BCL2: variants seen among roughly 807,000 people sequenced by gnomAD.
The protein encoded by BCL2 is apoptosis regulator Bcl-2.
BCL2 carries 1 observed loss-of-function variant against 14.2 expected under a neutral mutation model. The ratio of observed to expected loss-of-function variants is 0.07; its 90% CI spans 0.02 to 0.33. The LOEUF is 0.33. BCL2 is among the 10% of genes least tolerant of loss of function. The probability of loss-of-function intolerance (pLI) is 0.99; values close to 1 mark genes in which losing one functional copy is unlikely to be tolerated. For missense variants in BCL2, 247 were observed against 305.9 expected, an observed-to-expected ratio of 0.81 and a Z score of 1.44; for synonymous variants, 151 against 137.2, an observed-to-expected ratio of 1.10 and a Z score of -0.70.
intron 2 of BCL2, among the ~76,000 whole-genome samples, chr18:63,198,918 CACACAG>C (rs1909584103): frequency 8.3e-6 from 1 of 120,122 alleles, no homozygotes; most frequent in Non-Finnish European, 1.7e-5. Flanking sequence ...TATACAGACA[CACACAG>C]ACACAGAGAC....
At chr18:63,220,102 G>GA (rs1388125828) in intron 2 of BCL2, among the ~76,000 whole-genome samples, 1 of 152,152 alleles carries the variant, frequency 6.6e-6, no homozygotes, top group Non-Finnish European at 1.5e-5. Context: ...GGAAGTAGCT[G>GA]AAAAAACAAG....
intron 2 of BCL2, among the ~76,000 whole-genome samples, chr18:63,162,754 A>C (rs551549957): frequency 1.3e-5 from 2 of 152,072 alleles, no homozygotes; most frequent in Non-Finnish European, 2.9e-5. Context: ...AAGACACCAG[A>C]GCCTTCATTT....
intron 2 of BCL2, among the ~76,000 whole-genome samples, chr18:63,282,025 A>G (rs1372129949): frequency 2.0e-5 from 3 of 152,248 alleles, no homozygotes; most frequent in Non-Finnish European, 4.4e-5. Flanking sequence ...CCAAACTAAT[A>G]TTAGTCCATA....
intron 2 of BCL2, among the ~76,000 whole-genome samples, chr18:63,152,586 C>A (rs1330414291): frequency 6.6e-6 from 1 of 152,156 alleles, no homozygotes; most frequent in Non-Finnish European, 1.5e-5. Flanking sequence ...CATTTGTGTA[C>A]AAAGCCAAAC....
intron 2 of BCL2, among the ~76,000 whole-genome samples, chr18:63,242,987 T>C (rs1424087185): frequency 6.6e-6 from 1 of 152,210 alleles, no homozygotes. Context: ...GTTACGGTCG[T>C]CTTCAAGTAA....
intron 2 of BCL2, among the ~76,000 whole-genome samples, chr18:63,292,197 C>G (rs1912670398): frequency 6.7e-6 from 1 of 148,918 alleles, no homozygotes; most frequent in African/African-American, 2.5e-5. Flanking sequence ...TCATCACAAA[C>G]TCCTAGCCCC....
chr18:63,305,437 T>C (rs1374343535), intron 2 of BCL2, among the ~76,000 whole-genome samples: 4 of 152,204 alleles, frequency 2.6e-5, no homozygotes, highest in African/African-American at 9.6e-5. Context: ...CTTTCTTCTT[T>C]ACATGGGCAT....
At chr18:63,201,771 G>T (rs1909700745) in intron 2 of BCL2, among the ~76,000 whole-genome samples, 2 of 151,830 alleles carry the variant, frequency 1.3e-5, no homozygotes, top group South Asian at 4.2e-4. Flanking sequence ...AGTAGGAGTT[G>T]AACAATGAGA....
At chr18:63,129,500 A>C (rs1444451849) in intron 2 of BCL2, among the ~76,000 whole-genome samples, 1 of 152,048 alleles carries the variant, frequency 6.6e-6, no homozygotes, top group African/African-American at 2.4e-5. Context: ...GCTGGTCTTG[A>C]ACTCCTGGGC....
In BCL2 at chr18:63,169,403, T is replaced by C. The variant is rs1480494014; in HGVS notation, c.586-40644A>G. On this transcript the variant is annotated intron_variant, in intron 2 of 2. Coordinates refer to ENST00000333681, the MANE Select transcript of BCL2 (RefSeq NM_000633.3). The stretch of plus-strand genomic sequence containing the variant: ...TCTTTCTTTCTTTTTCTTTCTTTCT[T>C]TTTCTTTCTCTCTCTCTCTCTCTCT... Among the ~76,000 whole-genome samples the C allele has an allele frequency of 7.8e-4, 80 of 102,524 alleles. 7 individuals carry two copies. The highest frequency in any genetic ancestry group is 4.0e-3 in the African/African-American group (71 of 17,750). The allele number at this position is 102,524 out of a possible 152,430, so 67.3% of individuals were successfully genotyped here. A position where few individuals can be genotyped will look rare whatever the true frequency, so the allele number is the denominator to read the frequency against.
chr18:63,316,376 A>C (rs959658897), intron 2 of BCL2: 1 of 152,232 alleles, frequency 6.6e-6, no homozygotes, highest in Non-Finnish European at 1.5e-5. Flanking sequence ...AAACTATTAA[A>C]TCAGTTTTAC....
At chr18:63,266,303 A>C (rs1911820973) in intron 2 of BCL2, among the ~76,000 whole-genome samples, 1 of 151,606 alleles carries the variant, frequency 6.6e-6, no homozygotes, top group Non-Finnish European at 1.5e-5. Context: ...TAATCAAACA[A>C]AGCAAATTAA....
intron 2 of BCL2, among the ~76,000 whole-genome samples, chr18:63,236,850 C>T (rs563292507): frequency 3.7e-4 from 57 of 152,328 alleles, no homozygotes; most frequent in African/African-American, 1.3e-3. Context: ...GGACAGGTCC[C>T]TTTTCTGCTC....
At chr18:63,183,364 G>A (rs1051117845) in intron 2 of BCL2, among the ~76,000 whole-genome samples, 1 of 152,200 alleles carries the variant, frequency 6.6e-6, no homozygotes, top group African/African-American at 2.4e-5. Flanking sequence ...AGTTGGTGTT[G>A]TGGCTCACAT....
chr18:63,148,598 T>C (rs1471972008), intron 2 of BCL2, among the ~76,000 whole-genome samples: 2 of 151,842 alleles, frequency 1.3e-5, no homozygotes, highest in South Asian at 2.1e-4. Context: ...AATGATGCAA[T>C]GAGATACTGT....
At chr18:63,212,267 GC>G (rs1910042511) in intron 2 of BCL2, among the ~76,000 whole-genome samples, 2 of 151,668 alleles carry the variant, frequency 1.3e-5, no homozygotes, top group Non-Finnish European at 2.9e-5. Context: ...GGCAGAGGTT[GC>G]AGTGAGCCAA....
upstream of BCL2, chr18:63,319,932 G>A (rs1913647229): frequency 6.0e-6 from 1 of 165,550 alleles, no homozygotes; most frequent in East Asian, 1.2e-4. Context: ...GGTCCTGCGC[G>A]GCGGCGCTGG....
intron 2 of BCL2, among the ~76,000 whole-genome samples, chr18:63,169,307 T>TCTTTCTTTCTTTCTTCCTTC (rs778789929): frequency 8.1e-5 from 6 of 73,992 alleles, no homozygotes; most frequent in African/African-American, 1.9e-4. Flanking sequence ...TTTCTTTCTT[T>TCTTTCTTTCTTTCTTCCTTC]CTTCCTTCCT....
intron 2 of BCL2, among the ~76,000 whole-genome samples, chr18:63,283,973 G>A (rs1240704668): frequency 2.0e-5 from 3 of 152,128 alleles, no homozygotes; most frequent in Admixed American, 6.5e-5. Context: ...ACTCCACAGC[G>A]ACAGCAAAGA....
Sources: allele counts gnomAD v4.1 joint callset (sites outside exome capture counted in the v4.1 genomes callset), GRCh38; gene constraint gnomAD v4.1.1; transcripts MANE v1.5; gene names NCBI Gene and HGNC (gene_info 2026-07-23, HGNC 2026-07-21).